Variants in SAMSN1 observed in about 807,000 individuals in gnomAD.
SAMSN1 encodes SAM domain, SH3 domain and nuclear localization signals 1, also known as SAM domain-containing protein SAMSN-1.
In SAMSN1, 31 loss-of-function variants were observed where a neutral mutation model predicts 42.0. The observed-to-expected ratio is 0.74, with a 90% CI of 0.55 to 1.00. SAMSN1 has a LOEUF of 1.00. Among genes scored for constraint, SAMSN1 ranks in the 50% least tolerant of loss-of-function variants. The probability of loss-of-function intolerance (pLI) is 0.00; values close to 1 mark genes in which losing one functional copy is unlikely to be tolerated. For missense variants in SAMSN1, 464 were observed against 439.4 expected (o/e 1.06, Z -0.50); for synonymous variants, 178 against 151.9 (o/e 1.17, Z -1.26).
chr21:14,567,314 A>G (rs1319336088), intron 2 of SAMSN1, among the ~76,000 whole-genome samples: 1 of 144,098 alleles, frequency 6.9e-6, no homozygotes, highest in African/African-American at 2.5e-5. Flanking sequence ...AAAAAAAAAC[A>G]CAAAAAATGA....
intron 5 of SAMSN1, among the ~76,000 whole-genome samples, chr21:14,507,442 A>G (rs1038348839): frequency 2.0e-5 from 3 of 152,218 alleles, no homozygotes; most frequent in African/African-American, 7.2e-5. Flanking sequence ...CCCTTTTACA[A>G]TAGCTGCAAA....
At chr21:14,510,030 T>G (rs903064212) in intron 5 of SAMSN1, among the ~76,000 whole-genome samples, 23 of 150,988 alleles carry the variant, frequency 1.5e-4, no homozygotes, top group African/African-American at 4.2e-4. Flanking sequence ...TCCCAGCTAC[T>G]CGGGAGGCTG....
chr21:14,584,603 T>TA (rs2123254142), upstream of SAMSN1, among the ~76,000 whole-genome samples: 1 of 152,306 alleles, frequency 6.6e-6, no homozygotes, highest in Admixed American at 6.5e-5. Context: ...TAGGAATTGA[T>TA]AAAAATCATT....
chr21:14,618,664 G>T (rs1379320262), intron 2 of SAMSN1, among the ~76,000 whole-genome samples: 1 of 35,666 alleles, frequency 2.8e-5, no homozygotes, highest in Non-Finnish European at 5.9e-5. Context: ...GTATGTGTGT[G>T]TGTGTGTGTG....
chr21:14,496,541 C>T (rs1302863394), intron 7 of SAMSN1: 1 of 152,240 alleles, frequency 6.6e-6, no homozygotes, highest in Non-Finnish European at 1.5e-5. Context: ...ATAGAATCTA[C>T]TTCTAAGCCA....
intron 2 of SAMSN1, chr21:14,616,032 A>G: frequency 1.7e-6 from 1 of 587,894 alleles, no homozygotes; most frequent in East Asian, 2.8e-5. Flanking sequence ...AAATAAAATA[A>G]AATGAATAAA....
chr21:14,564,085 A>G (rs1043990066), intron 2 of SAMSN1, among the ~76,000 whole-genome samples: 2 of 152,128 alleles, frequency 1.3e-5, no homozygotes, highest in Non-Finnish European at 2.9e-5. Context: ...TCGTTTTTTA[A>G]AAGTCTGATT....
chr21:14,645,405 G>A (rs1034944025), intron 1 of SAMSN1, among the ~76,000 whole-genome samples: 11 of 152,228 alleles, frequency 7.2e-5, no homozygotes, highest in East Asian at 1.9e-4. Flanking sequence ...ATATCTGGTC[G>A]AAAACCATCA....
chr21:14,590,469 G>T (rs1191883721), intron 7 of SAMSN1, among the ~76,000 whole-genome samples: 1 of 152,038 alleles, frequency 6.6e-6, no homozygotes, highest in African/African-American at 2.4e-5. Context: ...TTTTTGTAGA[G>T]ATGAAGTCTC....
intron 7 of SAMSN1, chr21:14,496,175 A>G (rs1986908266): frequency 2.0e-5 from 3 of 152,234 alleles, no homozygotes; most frequent in Admixed American, 1.3e-4. Context: ...CTTCTGATAT[A>G]GAAAACTGAA....
intron 1 of SAMSN1, among the ~76,000 whole-genome samples, chr21:14,523,916 C>T (rs968756992): frequency 6.6e-6 from 1 of 152,168 alleles, no homozygotes; most frequent in Non-Finnish European, 1.5e-5. Context: ...GGACACTGGA[C>T]TATTACTTTG....
chr21:14,611,314 A>T (rs772394885), intron 4 of SAMSN1, among the ~76,000 whole-genome samples: 1 of 152,238 alleles, frequency 6.6e-6, no homozygotes, highest in Non-Finnish European at 1.5e-5. Flanking sequence ...GGGCCTGGAC[A>T]TGTGAAGAAA....
At chr21:14,517,287 TCTTTTA>T (rs1409998475) in intron 2 of SAMSN1, among the ~76,000 whole-genome samples, 1 of 152,228 alleles carries the variant, frequency 6.6e-6, no homozygotes, top group Non-Finnish European at 1.5e-5. Flanking sequence ...CATCTGCAAC[TCTTTTA>T]GAGAATTTTG....
chr21:14,564,077 GT>G (rs1010813992), intron 2 of SAMSN1, among the ~76,000 whole-genome samples: 1 of 151,998 alleles, frequency 6.6e-6, no homozygotes, highest in Non-Finnish European at 1.5e-5. Context: ...AAATACATTC[GT>G]TTTTTAAAAG....
At chr21:14,580,818 T>A (rs1981682916) in intron 2 of SAMSN1, among the ~76,000 whole-genome samples, 1 of 152,224 alleles carries the variant, frequency 6.6e-6, no homozygotes, top group Non-Finnish European at 1.5e-5. Context: ...AGAGACTGAT[T>A]CTTTGAGGAA....
At position 14,578,481 on chromosome 21, in the gene SAMSN1, A is replaced by G. The variant is rs148593655; in HGVS notation, c.261+3655T>C. 7.4e-4 allele frequency among the ~76,000 whole-genome samples: 113 copies of G among 152,004 alleles called. 1 individual carries two copies. In the East Asian group the frequency reaches 0.02, roughly 27 times the overall value. On this transcript the variant is annotated intron_variant, in intron 2 of 8. Coordinates refer to the SAMSN1 transcript ENST00000285670. The stretch of plus-strand genomic sequence containing the variant: ...AAGCAGATCACAAGGTCAGGAGTTC[A>G]AGACCAGCCTGGCCAACATGGTGAA...
chr21:14,536,026 T>C (rs1364849825), intron 1 of SAMSN1, among the ~76,000 whole-genome samples: 1 of 152,234 alleles, frequency 6.6e-6, no homozygotes, highest in Non-Finnish European at 1.5e-5. Flanking sequence ...CCAACAGAGA[T>C]AGTTTAAAAT....
intron 4 of SAMSN1, among the ~76,000 whole-genome samples, chr21:14,611,091 C>A (rs553165750): frequency 7.7e-4 from 114 of 148,786 alleles, no homozygotes; most frequent in Non-Finnish European, 1.3e-3. Context: ...AGGATAGGCA[C>A]ATTTTTTTTT....
chr21:14,630,254 G>A (rs1983295514), intron 2 of SAMSN1, among the ~76,000 whole-genome samples: 2 of 152,142 alleles, frequency 1.3e-5, no homozygotes, highest in South Asian at 4.1e-4. Context: ...TGATGAACAG[G>A]AACTTTAAAA....
Sources: allele counts gnomAD v4.1 joint callset (sites outside exome capture counted in the v4.1 genomes callset), GRCh38; gene constraint gnomAD v4.1.1; transcripts MANE v1.5; gene names NCBI Gene and HGNC (gene_info 2026-07-23, HGNC 2026-07-21).